Variants in PDS5B observed in about 807,000 individuals in gnomAD.
PDS5B encodes the protein PDS5 cohesin associated factor B.
Under a neutral mutation model 184.1 loss-of-function variants are expected in PDS5B, and 51 were observed. The ratio of observed to expected loss-of-function variants is 0.28; its 90% CI spans 0.22 to 0.35. The LOEUF (loss-of-function observed/expected upper bound fraction) is 0.35. Ranked by LOEUF, PDS5B falls within the 10% of genes least tolerant of loss-of-function variation. PDS5B has a pLI of 1.00. For missense variants in PDS5B, 1,180 were observed against 1,723.3 expected (o/e 0.68, Z 5.58); for synonymous variants, 566 against 569.2 (o/e 0.99, Z 0.08).
rs149903053 is a variant in PDS5B, at chr13:32,745,967, C to A, written c.2613-10C>A. On this transcript the variant is annotated splice_polypyrimidine_tract_variant and intron_variant, in intron 23 of 34. Transcript: ENST00000315596. ...AATGCTAATCTATATTCATTCTACT[C>A]ATTTTTCAGTAAACCAGATATGTCA... 526 of 1,602,774 alleles carry A rather than the reference C, an allele frequency of 3.3e-4. 4 individuals are homozygous for A. The Middle Eastern group carries it at 0.011, about 34-fold the overall frequency.
intron 17 of PDS5B, among the ~76,000 whole-genome samples, chr13:32,705,453 A>C (rs926727316): frequency 1.3e-5 from 2 of 152,148 alleles, no homozygotes; most frequent in Non-Finnish European, 2.9e-5. Context: ...ATTTAAGGGG[A>C]CCCTATAATG....
At chr13:32,704,902 A>G (rs1037469394) in intron 17 of PDS5B, among the ~76,000 whole-genome samples, 1 of 152,126 alleles carries the variant, frequency 6.6e-6, no homozygotes, top group African/African-American at 2.4e-5. Context: ...TTTTTTAGGT[A>G]GTTTTTGCTG....
chr13:32,599,378 C>T (rs912533274), intron 1 of PDS5B, among the ~76,000 whole-genome samples: 2 of 151,892 alleles, frequency 1.3e-5, no homozygotes, highest in Non-Finnish European at 2.9e-5. Flanking sequence ...ATTCTCCTGC[C>T]TCAGCCTCCC....
At chr13:32,714,907 T>G (rs1952326318) in intron 19 of PDS5B, among the ~76,000 whole-genome samples, 1 of 152,172 alleles carries the variant, frequency 6.6e-6, no homozygotes, top group Non-Finnish European at 1.5e-5. Context: ...GCATAGGAAA[T>G]CACAAGAGTA....
intron 13 of PDS5B, among the ~76,000 whole-genome samples, chr13:32,691,567 A>T (rs1444518572): frequency 2.0e-5 from 3 of 152,126 alleles, no homozygotes; most frequent in Non-Finnish European, 4.4e-5. Flanking sequence ...TTAGCTACTT[A>T]TTGAAATCAC....
At chr13:32,683,017 C>CTTTTTTTTTTTTTTTT in intron 10 of PDS5B, among the ~76,000 whole-genome samples, 1 of 151,592 alleles carries the variant, frequency 6.6e-6, no homozygotes, top group Non-Finnish European at 1.5e-5. Context: ...TTTTAAAAAA[C>CTTTTTTTTTTTTTTTT]TTTCTTTTTT....
At chr13:32,700,883 C>T (rs1050793263) in intron 16 of PDS5B, 16 of 155,008 alleles carry the variant, frequency 1.0e-4, no homozygotes, top group African/African-American at 3.6e-4. Context: ...CTTGACTTCA[C>T]CCCAGATCAA....
At chr13:32,611,951 G>A (rs2058149605) in intron 1 of PDS5B, among the ~76,000 whole-genome samples, 1 of 151,872 alleles carries the variant, frequency 6.6e-6, no homozygotes, top group Admixed American at 6.6e-5. Context: ...TCTGAGTTCT[G>A]GCTATATGAA....
intron 1 of PDS5B, among the ~76,000 whole-genome samples, chr13:32,626,707 T>A (rs2058376249): frequency 6.6e-6 from 1 of 152,214 alleles, no homozygotes; most frequent in South Asian, 2.1e-4. Context: ...CTTATAAATG[T>A]ACAGTGAGAC....
At chr13:32,606,391 G>T (rs1017712950) in intron 1 of PDS5B, among the ~76,000 whole-genome samples, 13 of 152,244 alleles carry the variant, frequency 8.5e-5, no homozygotes, top group Admixed American at 7.8e-4. Flanking sequence ...GTTGAATATT[G>T]GCCCCCACTC....
At chr13:32,705,922 C>T (rs1480719363) in intron 17 of PDS5B, among the ~76,000 whole-genome samples, 1 of 152,114 alleles carries the variant, frequency 6.6e-6, no homozygotes, top group African/African-American at 2.4e-5. Context: ...CTTTTTCAGC[C>T]TCCTAAGTGG....
chr13:32,604,731 ATTAT>A, intron 1 of PDS5B, among the ~76,000 whole-genome samples: 1 of 152,260 alleles, frequency 6.6e-6, no homozygotes, highest in African/African-American at 2.4e-5. Flanking sequence ...TAGGCTATTA[ATTAT>A]TGCCTCAATT....
At chr13:32,742,750 T>C in intron 23 of PDS5B, 23 bp downstream of exon 23, 1 of 1,600,034 alleles carries the variant, frequency 6.2e-7, no homozygotes, top group Non-Finnish European at 8.6e-7. Flanking sequence ...TATTTCACAG[T>C]TCTTTGGATT....
In PDS5B at chr13:32,673,219, T is replaced by G; in HGVS notation, c.709T>G (p.Phe237Val). 6.2e-7 allele frequency: 1 copy of G among 1,611,274 alleles called. No individual in the cohort carries two copies. The highest frequency in any genetic ancestry group is 8.5e-7 in the Non-Finnish European group (1 of 1,179,436). ...AGGCTTTCTTTCTCCTCAAAAGTTTTTTAATCAGGTTCTGATGCTTGGGAA... is the reference window on the plus strand; with the variant it reads ...AGGCTTTCTTTCTCCTCAAAAGTTTGTTAATCAGGTTCTGATGCTTGGGAA... ...QAIEPYITNFFNQVLMLGKTS... is the reference protein window; with the variant it reads ...QAIEPYITNFVNQVLMLGKTS... The change falls in exon 8 of 35, where the codon TTT becomes GTT. Residue 237 changes from phenylalanine (F) to valine (V), a missense_variant. This residue lies in a region of PDS5B where 79 missense variants were observed against 124.6 expected (regional missense o/e 0.63). Coordinates refer to ENST00000315596, the MANE Select transcript of PDS5B (RefSeq NM_015032.4).
At chr13:32,709,509 G>A (rs544823603) in intron 18 of PDS5B, among the ~76,000 whole-genome samples, 1 of 151,978 alleles carries the variant, frequency 6.6e-6, no homozygotes, top group South Asian at 2.1e-4. Flanking sequence ...TTTGGACATT[G>A]GAACTTTATA....
chr13:32,758,608 T>G lies in PDS5B; in HGVS notation c.3264T>G (p.Pro1088=). 1 of 1,613,460 alleles carries G rather than the reference T, an allele frequency of 6.2e-7. No homozygotes were observed. The highest frequency in any genetic ancestry group is 8.5e-7 in the Non-Finnish European group (1 of 1,179,446). ...SKSTTYSLES[P]KDPVLPARFF... ...GTACTACATACAGTTTGGAATCTCC[T>G]AAAGACCCGGTACTACCAGCTCGTT... Residue 1088 remains proline, a synonymous_variant, in exon 28 of 35, where the codon CCT becomes CCG. Transcript: ENST00000315596.
intron 3 of PDS5B, among the ~76,000 whole-genome samples, chr13:32,653,226 G>A (rs569706048): frequency 6.6e-6 from 1 of 152,160 alleles, no homozygotes; most frequent in African/African-American, 2.4e-5. Flanking sequence ...CCTGGGAGGT[G>A]GGGGATGGAG....
chr13:32,657,940 A>C (rs1262192620), intron 3 of PDS5B, among the ~76,000 whole-genome samples: 1 of 152,192 alleles, frequency 6.6e-6, no homozygotes, highest in Non-Finnish European at 1.5e-5. Context: ...AAATAGCATA[A>C]ATTTTAGCTA....
chr13:32,693,931 C>T (rs1951625991), intron 13 of PDS5B, among the ~76,000 whole-genome samples: 1 of 151,624 alleles, frequency 6.6e-6, no homozygotes, highest in African/African-American at 2.4e-5. Flanking sequence ...TCCATTTCAT[C>T]CTTCCTGCTA....
Sources: gnomAD v4.1 joint callset for allele counts (sites outside exome capture counted in the v4.1 genomes callset) on GRCh38, gnomAD v4.1.1 for gene constraint, gnomAD v4.1.1 regional missense constraint, MANE v1.5 for transcripts, NCBI Gene and HGNC (gene_info 2026-07-23, HGNC 2026-07-21) for gene names.